Variants in SGCD observed in about 807,000 individuals in gnomAD.
The protein encoded by SGCD is delta-sarcoglycan.
Under a neutral mutation model 36.6 loss-of-function variants are expected in SGCD, and 18 were observed. The ratio of observed to expected loss-of-function variants is 0.49; its 90% CI spans 0.34 to 0.73. The LOEUF (loss-of-function observed/expected upper bound fraction) is 0.73. Among genes scored for constraint, SGCD ranks in the 30% least tolerant of loss-of-function variants. The pLI is 0.01. For missense variants in SGCD, 387 were observed against 346.7 expected (o/e 1.12, Z -0.92); for synonymous variants, 133 against 130.6 (o/e 1.02, Z -0.12).
chr5:156,655,066 T>G (rs79759527), intron 7 of SGCD, among the ~76,000 whole-genome samples: 4,560 of 151,962 alleles, frequency 0.03, 216 homozygotes, highest in African/African-American at 0.1. Context: ...TTTTTGAGGG[T>G]TTTTTTTCTT....
At chr5:156,378,518 T>C (rs1050987928) in intron 3 of SGCD, among the ~76,000 whole-genome samples, 1 of 152,192 alleles carries the variant, frequency 6.6e-6, no homozygotes, top group African/African-American at 2.4e-5. Flanking sequence ...GTTTAATAAA[T>C]GTTTTCCGTG....
At chr5:156,589,774 C>T (rs200456078) in intron 5 of SGCD, among the ~76,000 whole-genome samples, 78 of 152,264 alleles carry the variant, frequency 5.1e-4, no homozygotes, top group East Asian at 2.3e-3. Flanking sequence ...ATTTGCTGTA[C>T]GTGCTGACTT....
rs868660073 is a variant in SGCD at position 156,670,946 on chromosome 5, C to G, written c.575+23410C>G. Among the ~76,000 whole-genome samples, 6 of 152,092 alleles carry G rather than the reference C, an allele frequency of 3.9e-5. No individual in the cohort carries two copies. In the South Asian group the frequency reaches 6.2e-4, roughly 16 times the overall value. ...GAGTCATCTCCCATTACCCTTTCCCCCTCCTTTCACCTTTTCTTAGTTGTA... is the reference window on the plus strand; with the variant it reads ...GAGTCATCTCCCATTACCCTTTCCCGCTCCTTTCACCTTTTCTTAGTTGTA... On this transcript the variant is annotated intron_variant, in intron 7 of 8. Transcript: ENST00000337851.
At chr5:155,989,883 A>G (rs905641812) in intron 1 of SGCD, among the ~76,000 whole-genome samples, 3 of 152,208 alleles carry the variant, frequency 2.0e-5, no homozygotes, top group African/African-American at 7.2e-5. Context: ...ATTTTGCAAC[A>G]TGAAGAACTA....
rs576065241 is a variant in SGCD, at chr5:156,122,248, G to A, written c.-207-1608G>A. Among the ~76,000 whole-genome samples the A allele has an allele frequency of 2.6e-5, 4 of 152,236 alleles. No individual in the cohort carries two copies. In the South Asian group the frequency reaches 8.3e-4, roughly 32 times the overall value. ...TTATCGAGCTCCACTTCTGTGCAAG[G>A]CTATCAGTGAAGTGAAGTGCTGGAG... On this transcript the variant is annotated intron_variant, in intron 2 of 9. Transcript: ENST00000517913.
intron 2 of SGCD, among the ~76,000 whole-genome samples, 187 bp downstream of exon 2, chr5:156,329,766 C>T (rs549459625): frequency 1.3e-5 from 2 of 151,900 alleles, no homozygotes; most frequent in Non-Finnish European, 2.9e-5. Flanking sequence ...GCCTGTAATC[C>T]CAGCACTTTG....
the SGCD span, among the ~76,000 whole-genome samples, chr5:155,748,143 C>T: frequency 0.012 from 1,808 of 150,820 alleles, 37 homozygotes; most frequent in African/African-American, 0.04. Context: ...TGGTTTCTTC[C>T]GGCCACAAAG....
chr5:156,285,681 G>T (rs1308850036), intron 3 of SGCD, among the ~76,000 whole-genome samples: 1 of 152,134 alleles, frequency 6.6e-6, no homozygotes, highest in Non-Finnish European at 1.5e-5. Flanking sequence ...ATTCAAGATG[G>T]ATTAAAGACT....
chr5:156,676,523 G>A (rs1436486716), intron 7 of SGCD, among the ~76,000 whole-genome samples: 1 of 152,130 alleles, frequency 6.6e-6, no homozygotes, highest in Non-Finnish European at 1.5e-5. Context: ...GGCTTTCTGG[G>A]GCGGCTCTTG....
At chr5:155,811,816 T>C in the SGCD span, among the ~76,000 whole-genome samples, 5 of 152,150 alleles carry the variant, frequency 3.3e-5, no homozygotes, top group African/African-American at 1.2e-4. Context: ...CAGGGGTAGG[T>C]TAGTGAGGGA....
At chr5:156,121,176 A>T (rs1416817846) in intron 2 of SGCD, among the ~76,000 whole-genome samples, 1 of 152,128 alleles carries the variant, frequency 6.6e-6, no homozygotes. Flanking sequence ...TCCAGTGGGA[A>T]CTAAGATGAA....
intron 3 of SGCD, among the ~76,000 whole-genome samples, chr5:156,297,738 GTAAC>G (rs1429450517): frequency 6.6e-6 from 1 of 151,540 alleles, no homozygotes; most frequent in Non-Finnish European, 1.5e-5. Context: ...GTATACCTAT[GTAAC>G]TAACCTGCAC....
At chr5:156,371,165 G>C (rs898669190) in intron 3 of SGCD, among the ~76,000 whole-genome samples, 2 of 152,088 alleles carry the variant, frequency 1.3e-5, no homozygotes, top group African/African-American at 4.8e-5. Context: ...ATATTTTCAT[G>C]CCTAGGGATT....
the SGCD span, among the ~76,000 whole-genome samples, chr5:155,745,347 AC>A: frequency 6.6e-6 from 1 of 152,178 alleles, no homozygotes; most frequent in Non-Finnish European, 1.5e-5. Flanking sequence ...TTGGAGTAAA[AC>A]AAAATATTGG....
At chr5:155,970,040 A>G (rs75054326) in intron 1 of SGCD, among the ~76,000 whole-genome samples, 2 of 152,118 alleles carry the variant, frequency 1.3e-5, no homozygotes, top group East Asian at 1.9e-4. Context: ...ACACAACCTA[A>G]CGATAAGTTA....
chr5:156,090,641 G>T (rs1384707424), intron 1 of SGCD, among the ~76,000 whole-genome samples: 1 of 152,158 alleles, frequency 6.6e-6, no homozygotes, highest in Non-Finnish European at 1.5e-5. Flanking sequence ...CAGACAACCG[G>T]TCTGACTAGA....
intron 7 of SGCD, among the ~76,000 whole-genome samples, chr5:156,757,108 C>G (rs1757363663): frequency 6.6e-6 from 1 of 151,914 alleles, no homozygotes; most frequent in East Asian, 1.9e-4. Flanking sequence ...GTGGCCACCC[C>G]ATGGCTTCAC....
intron 1 of SGCD, among the ~76,000 whole-genome samples, chr5:155,988,951 G>A (rs1220099294): frequency 3.3e-5 from 5 of 152,158 alleles, no homozygotes; most frequent in African/African-American, 1.2e-4. Context: ...ACTGTGAAAG[G>A]TGGAACCAGT....
intron 1 of SGCD, among the ~76,000 whole-genome samples, chr5:156,073,286 C>G (rs1490747932): frequency 6.6e-6 from 1 of 152,118 alleles, no homozygotes; most frequent in Non-Finnish European, 1.5e-5. Context: ...CTCACCCAGG[C>G]CAGTCTCCTA....
Sources: gnomAD v4.1 joint callset for allele counts (sites outside exome capture counted in the v4.1 genomes callset) on GRCh38, gnomAD v4.1.1 for gene constraint, MANE v1.5 for transcripts, NCBI Gene and HGNC (gene_info 2026-07-23, HGNC 2026-07-21) for gene names.